DPF3: variants seen among roughly 807,000 people sequenced by gnomAD.
DPF3 encodes the protein zinc finger protein DPF3.
In DPF3, 18 loss-of-function variants were observed where a neutral mutation model predicts 56.8. The observed-to-expected ratio is 0.32, with a 90% CI of 0.22 to 0.47. The LOEUF is 0.47. Ranked by LOEUF, DPF3 falls within the 20% of genes least tolerant of loss-of-function variation. The pLI, the probability that DPF3 is intolerant of heterozygous loss-of-function variation, is 1.00. For missense variants in DPF3, 403 were observed against 488.8 expected (o/e 0.82, Z 1.65); for synonymous variants, 188 against 180.2 (o/e 1.04, Z -0.35).
Position 72,674,259 on chromosome 14 carries a change from G to T in DPF3, c.852C>A (p.Cys284Ter), listed in dbSNP as rs780577141. Residue 284 changes from cysteine to a stop codon, truncating the protein, a stop_gained, in exon 8 of 11, where the codon TGC (cysteine) becomes TGA (stop). Coordinates refer to ENST00000556509, the MANE Select transcript of DPF3 (RefSeq NM_001280542.3). LOFTEE classifies it high-confidence loss of function. ...KSGRPEELVSCADCGRSGHPT... is the reference protein window; with the variant it reads ...KSGRPEELVS ...ACTCACCAGAGCGTCCACAGTCTGCGCAGGACACCAGCTCTTCAGGCCGCC... is the reference window on the plus strand; with the variant it reads ...ACTCACCAGAGCGTCCACAGTCTGCTCAGGACACCAGCTCTTCAGGCCGCC... 2 of 1,612,682 alleles carry T rather than the reference G, an allele frequency of 1.2e-6. No homozygotes were observed. The highest frequency in any genetic ancestry group is 1.7e-5 in the Admixed American group (1 of 59,872).
intron 2 of DPF3, among the ~76,000 whole-genome samples, chr14:72,756,551 G>A (rs912991054): frequency 2.6e-5 from 4 of 152,092 alleles, no homozygotes; most frequent in Admixed American, 6.6e-5. Flanking sequence ...AGTGGCTGAC[G>A]TCTGTAATCC....
chr14:72,861,687 GA>G (rs1242166378), intron 1 of DPF3, among the ~76,000 whole-genome samples: 5 of 134,952 alleles, frequency 3.7e-5, no homozygotes, highest in Non-Finnish European at 8.0e-5. Flanking sequence ...AAGAGAGAAA[GA>G]AAAGAAAGAA....
chr14:72,805,724 T>A (rs559307615), intron 1 of DPF3, among the ~76,000 whole-genome samples: 1 of 152,320 alleles, frequency 6.6e-6, no homozygotes, highest in South Asian at 2.1e-4. Context: ...TGGGCGCCTG[T>A]AATCTCAGCT....
intron 1 of DPF3, among the ~76,000 whole-genome samples, chr14:72,838,059 C>A (rs1001638663): frequency 6.6e-6 from 1 of 152,192 alleles, no homozygotes; most frequent in African/African-American, 2.4e-5. Flanking sequence ...GCTGCAGCAA[C>A]CACACCAGGG....
intron 6 of DPF3, among the ~76,000 whole-genome samples, chr14:72,701,672 C>T (rs112769851): frequency 2.6e-5 from 4 of 152,308 alleles, no homozygotes; most frequent in African/African-American, 9.6e-5. Flanking sequence ...AACTTAATGA[C>T]TCTGGCACAT....
At chr14:72,637,380 C>T (rs765151945) in intron 8 of DPF3, among the ~76,000 whole-genome samples, 21 of 152,202 alleles carry the variant, frequency 1.4e-4, no homozygotes, top group Admixed American at 3.3e-4. Flanking sequence ...ACTAGGAATA[C>T]GTTGAGAGTC....
At chr14:72,861,737 G>GAGAAAGAAAGAAAGAAAGAGAA (rs1885421005) in intron 1 of DPF3, among the ~76,000 whole-genome samples, 1 of 84,536 alleles carries the variant, frequency 1.2e-5, no homozygotes, top group Non-Finnish European at 2.4e-5. Context: ...AAGAAAGAAA[G>GAGAAAGAAAGAAAGAAAGAGAA]AGAAAGAAAG....
At position 72,847,409 on chromosome 14, in the gene DPF3, C is replaced by CCTCACTAT. The variant is rs544356778; in HGVS notation, c.32+46640_32+46647dup. On this transcript the variant is annotated intron_variant, in intron 1 of 10. Transcript: ENST00000556509. ...CCAGTACTCTTGACAGGAGCATTTA[C>CCTCACTAT]CTCACTATATTATAAGCCTTGATCT... Among the ~76,000 whole-genome samples the CCTCACTAT allele has an allele frequency of 5.6e-4, 85 of 152,336 alleles. 1 individual carries two copies. Among genetic ancestry groups the CCTCACTAT allele is most frequent in the Non-Finnish European group, 1.0e-3 (70 of 68,032 alleles).
intron 1 of DPF3, among the ~76,000 whole-genome samples, chr14:72,791,936 C>T (rs917696325): frequency 4.6e-5 from 7 of 152,142 alleles, no homozygotes; most frequent in African/African-American, 1.7e-4. Context: ...TGCCAGCCAC[C>T]CATGGCTGGG....
chr14:72,837,388 T>C (rs1884341414), intron 1 of DPF3, among the ~76,000 whole-genome samples: 1 of 152,178 alleles, frequency 6.6e-6, no homozygotes, highest in African/African-American at 2.4e-5. Flanking sequence ...GGTCCTACTA[T>C]GCATCAGGCA....
intron 1 of DPF3, among the ~76,000 whole-genome samples, chr14:72,810,188 C>T (rs1236521556): frequency 1.3e-5 from 2 of 152,202 alleles, no homozygotes; most frequent in Non-Finnish European, 1.5e-5. Context: ...AGTGCTGAGA[C>T]ACCTCCGTGC....
intron 8 of DPF3, among the ~76,000 whole-genome samples, chr14:72,669,197 G>A (rs1189336866): frequency 6.6e-6 from 1 of 152,174 alleles, no homozygotes; most frequent in Non-Finnish European, 1.5e-5. Flanking sequence ...TTGTCCTTGT[G>A]TTTTAGGTTG....
chr14:72,677,668 T>C (rs1259365785), intron 7 of DPF3, among the ~76,000 whole-genome samples: 1 of 152,150 alleles, frequency 6.6e-6, no homozygotes, highest in South Asian at 2.1e-4. Flanking sequence ...GGTGGCACAG[T>C]GATGCCCTGG....
chr14:72,728,514 C>G (rs1247474373), intron 4 of DPF3, among the ~76,000 whole-genome samples: 3 of 152,132 alleles, frequency 2.0e-5, no homozygotes, highest in Non-Finnish European at 4.4e-5. Context: ...CCAGGAAGGT[C>G]ACGCTCATCC....
chr14:72,670,571 G>A (rs1017773885), intron 8 of DPF3: 63 of 987,314 alleles, frequency 6.4e-5, no homozygotes, highest in Non-Finnish European at 7.6e-5. Flanking sequence ...TCCCATTGAG[G>A]AAATTCTCCC....
Position 72,693,191 on chromosome 14 carries a change from G to A in DPF3, c.627C>T (p.Asn209=), listed in dbSNP as rs1212573985. Residue 209 remains asparagine, a synonymous_variant, in exon 7 of 11, where the codon AAC becomes AAT. Transcript: ENST00000556509. ...VCDICGKRYK[N]RPGLSYHYAH... ...CATAGTGGTAGCTGAGCCCCGGTCG[G>A]TTCTTGTAGCGCTTGCCACAGACTA... 6.2e-7 allele frequency: 1 copy of A among 1,613,952 alleles called. No individual in the cohort carries two copies. The highest frequency in any genetic ancestry group is 8.5e-7 in the Non-Finnish European group (1 of 1,179,868).
At chr14:72,805,525 A>G (rs1284469924) in intron 1 of DPF3, among the ~76,000 whole-genome samples, 1 of 151,586 alleles carries the variant, frequency 6.6e-6, no homozygotes, top group East Asian at 1.9e-4. Context: ...TGGAACAGTC[A>G]CAGCATGCCA....
intron 2 of DPF3, among the ~76,000 whole-genome samples, chr14:72,757,006 A>G (rs950136240): frequency 9.7e-5 from 13 of 134,628 alleles, no homozygotes; most frequent in Middle Eastern, 3.7e-3. Context: ...AGAGGGAGAG[A>G]GGAGAGAAGA....
At chr14:72,664,210 C>T (rs1014461548) in intron 8 of DPF3, among the ~76,000 whole-genome samples, 3 of 152,176 alleles carry the variant, frequency 2.0e-5, no homozygotes, top group Non-Finnish European at 4.4e-5. Context: ...TGCCAGGAGT[C>T]TTTCTGTCCC....
Sources: allele counts gnomAD v4.1 joint callset (sites outside exome capture counted in the v4.1 genomes callset), GRCh38; gene constraint gnomAD v4.1.1; transcripts MANE v1.5; gene names NCBI Gene and HGNC (gene_info 2026-07-23, HGNC 2026-07-21).